FOCAD: variants seen among roughly 807,000 people sequenced by gnomAD.
FOCAD encodes the protein KIAA1797.
A neutral mutation model predicts 225.6 loss-of-function variants in FOCAD; 198 were observed. The observed-to-expected ratio is 0.88, with a 90% CI of 0.78 to 0.99. The LOEUF is 0.99. Among genes scored for constraint, FOCAD ranks in the 50% least tolerant of loss-of-function variants. The pLI, the probability that FOCAD is intolerant of heterozygous loss-of-function variation, is 0.00. For missense variants in FOCAD, 2,713 were observed against 2,123.6 expected, an observed-to-expected ratio of 1.28 and a Z score of -5.46; for synonymous variants, 897 against 755.0, an observed-to-expected ratio of 1.19 and a Z score of -3.08.
chr9:20,968,877 T>C (rs766001059), intron 35 of FOCAD, among the ~76,000 whole-genome samples: 1 of 152,226 alleles, frequency 6.6e-6, no homozygotes, highest in African/African-American at 2.4e-5. Flanking sequence ...ATTTCTACTT[T>C]TTAAAATGCC....
intron 15 of FOCAD, among the ~76,000 whole-genome samples, chr9:20,855,583 A>G (rs572499940): frequency 6.6e-6 from 1 of 151,834 alleles, no homozygotes; most frequent in Admixed American, 6.6e-5. Context: ...CTCAAGCATT[A>G]TCATTTATCT....
intron 1 of FOCAD, chr9:20,694,601 G>A (rs1470805478): frequency 6.6e-6 from 1 of 152,076 alleles, no homozygotes; most frequent in East Asian, 1.9e-4. Context: ...TTGCAATCTT[G>A]CAATCTCTAG....
intron 19 of FOCAD, among the ~76,000 whole-genome samples, chr9:20,876,065 A>T (rs953829424): frequency 3.3e-5 from 5 of 152,182 alleles, no homozygotes; most frequent in Admixed American, 1.3e-4. Context: ...CCAAATATAT[A>T]CTATTTATTT....
intron 11 of FOCAD, among the ~76,000 whole-genome samples, chr9:20,805,577 G>A (rs1404565744): frequency 1.3e-5 from 2 of 151,686 alleles, no homozygotes; most frequent in African/African-American, 4.8e-5. Context: ...TCCATTATTT[G>A]ATTTCAGCAT....
rs552962240 is a variant in FOCAD, at chr9:20,830,625, T to G, written c.1920+7510T>G. ...GCTTACTTTCCGTTGAATGAAAATATTAGTAATCAATGATTCATTTTTGAT... is the reference window on the plus strand; with the variant it reads ...GCTTACTTTCCGTTGAATGAAAATAGTAGTAATCAATGATTCATTTTTGAT... On this transcript the variant is annotated intron_variant, in intron 15 of 43. Transcript: ENST00000338382. Among the ~76,000 whole-genome samples, 15 of 152,212 alleles carry G rather than the reference T, an allele frequency of 9.9e-5. No homozygotes were observed. In the South Asian group the frequency reaches 1.5e-3, roughly 15 times the overall value.
intron 4 of FOCAD, among the ~76,000 whole-genome samples, chr9:20,721,763 C>T (rs62549796): frequency 0.055 from 8,349 of 152,024 alleles, 240 homozygotes; most frequent in Middle Eastern, 0.15. Context: ...GGTTAAATAA[C>T]CCCTAGCCTT....
Position 20,993,249 on chromosome 9 carries a change from C to T in FOCAD, c.5257-4C>T. Reference sequence around the variant, plus strand: ...TTTGACACTATTTTTCATTTTTACCCTAGTTCATTGACTGGCTATTCAGCA... The same window carrying T: ...TTTGACACTATTTTTCATTTTTACCTTAGTTCATTGACTGGCTATTCAGCA... On this transcript the variant is annotated splice_polypyrimidine_tract_variant and splice_region_variant and intron_variant, in intron 42 of 43. Transcript: ENST00000338382. 1 of 1,612,186 alleles carries T rather than the reference C, an allele frequency of 6.2e-7. No individual in the cohort carries two copies. The highest frequency in any genetic ancestry group is 8.5e-7 in the Non-Finnish European group (1 of 1,178,396).
chr9:20,797,466 ATTTG>A (rs934132120), intron 11 of FOCAD, among the ~76,000 whole-genome samples: 2 of 152,088 alleles, frequency 1.3e-5, no homozygotes, highest in African/African-American at 4.8e-5. Flanking sequence ...ATGTTTTTCC[ATTTG>A]TTTGTATCCT....
At chr9:20,880,137 A>G (rs968858397) in intron 19 of FOCAD, among the ~76,000 whole-genome samples, 5 of 152,152 alleles carry the variant, frequency 3.3e-5, no homozygotes, top group African/African-American at 1.2e-4. Flanking sequence ...TGTATTGATC[A>G]CTGTTATGAC....
intron 21 of FOCAD, among the ~76,000 whole-genome samples, chr9:20,904,693 A>G (rs936455229): frequency 1.3e-5 from 2 of 152,026 alleles, no homozygotes; most frequent in Admixed American, 1.3e-4. Context: ...GTAGTTATAG[A>G]AAAAAATTTC....
chr9:20,954,515 C>G (rs1003895363), intron 35 of FOCAD, among the ~76,000 whole-genome samples: 2 of 152,058 alleles, frequency 1.3e-5, no homozygotes, highest in Non-Finnish European at 2.9e-5. Context: ...GTCTAGCTCC[C>G]CAGATCCATA....
intron 15 of FOCAD, among the ~76,000 whole-genome samples, chr9:20,844,335 C>A (rs1269633503): frequency 6.8e-6 from 1 of 147,200 alleles, no homozygotes; most frequent in Non-Finnish European, 1.5e-5. Flanking sequence ...TGGTTCTAAC[C>A]CTCAGGAAAT....
intron 1 of FOCAD, among the ~76,000 whole-genome samples, chr9:20,706,168 C>T (rs1401175026): frequency 1.3e-5 from 2 of 151,920 alleles, no homozygotes; most frequent in African/African-American, 4.8e-5. Flanking sequence ...CTCTTGGGCT[C>T]AAGTGATCCT....
intron 8 of FOCAD, among the ~76,000 whole-genome samples, chr9:20,775,910 T>A (rs201739083): frequency 1.3e-5 from 2 of 152,010 alleles, no homozygotes; most frequent in East Asian, 3.9e-4. Flanking sequence ...TTATTTATTT[T>A]ATTGTATTTT....
chr9:20,967,700 T>G (rs1273425196), intron 35 of FOCAD, among the ~76,000 whole-genome samples: 1 of 152,114 alleles, frequency 6.6e-6, no homozygotes, highest in Non-Finnish European at 1.5e-5. Flanking sequence ...AGGGTGTTTG[T>G]CAATGATTTT....
chr9:20,662,686 C>T (rs560687234), intron 2 of FOCAD, among the ~76,000 whole-genome samples: 2 of 152,052 alleles, frequency 1.3e-5, no homozygotes, highest in African/African-American at 4.8e-5. Context: ...TCTTGAACAC[C>T]TGGGCTCCCT....
chr9:20,916,990 G>C (rs1833928027), intron 24 of FOCAD, 53 bp downstream of exon 24: 1 of 1,417,314 alleles, frequency 7.1e-7, no homozygotes, highest in African/African-American at 1.4e-5. Context: ...CCTTTTCCTG[G>C]CAGGTACATA....
At chr9:20,988,675 C>T (rs1365558815) in intron 41 of FOCAD, among the ~76,000 whole-genome samples, 2 of 152,014 alleles carry the variant, frequency 1.3e-5, no homozygotes, top group East Asian at 3.9e-4. Context: ...TCTTACCAAG[C>T]TCTTGGAGAC....
intron 20 of FOCAD, 105 bp from the exon 21 acceptor site, chr9:20,885,004 A>G: frequency 1.7e-6 from 1 of 571,840 alleles, no homozygotes; most frequent in Non-Finnish European, 2.4e-6. Context: ...GGTTGCAGTG[A>G]GCTGAGATTG....
Sources: gnomAD v4.1 joint callset for allele counts (sites outside exome capture counted in the v4.1 genomes callset) on GRCh38, gnomAD v4.1.1 for gene constraint, MANE v1.5 for transcripts, NCBI Gene and HGNC (gene_info 2026-07-23, HGNC 2026-07-21) for gene names.